The following SAMD4B variants were observed in gnomAD, a reference collection of about 807,000 sequenced individuals.
SAMD4B encodes protein Smaug homolog 2.
A neutral mutation model predicts 74.5 loss-of-function variants in SAMD4B; 5 were observed. The observed-to-expected ratio is 0.07, with a 90% CI of 0.04 to 0.14. The LOEUF is 0.14. Among genes scored for constraint, SAMD4B ranks in the 10% least tolerant of loss-of-function variants. The probability of loss-of-function intolerance (pLI) is 1.00; values close to 1 mark genes in which losing one functional copy is unlikely to be tolerated. For missense variants in SAMD4B, 608 were observed against 921.8 expected (o/e 0.66, Z 4.41); for synonymous variants, 373 against 374.9 (o/e 1.00, Z 0.06).
intron 11 of SAMD4B, 39 bp downstream of exon 11, chr19:39,380,824 T>TG: frequency 6.6e-7 from 1 of 1,511,260 alleles, no homozygotes; most frequent in African/African-American, 1.4e-5. Flanking sequence ...CTCCTGGGGT[T>TG]GGGGTGGCAG....
At chr19:39,389,925 T>C (rs1182074452), downstream of SAMD4B, 3 of 1,098,054 alleles carry the variant, frequency 2.7e-6, no homozygotes, top group Non-Finnish European at 4.1e-6. This position sits in a 1 kb window ranked among gnomAD's most constrained non-coding sequence, Gnocchi z 5.3. Context: ...GGACACTGCT[T>C]GCTCCATTAA....
chr19:39,342,472 G>C lies in SAMD4B; in HGVS notation c.-371G>C, dbSNP rs1170408684. On this transcript the variant is annotated 5_prime_UTR_variant, in exon 1 of 14. Coordinates refer to ENST00000610417, the MANE Select transcript of SAMD4B (RefSeq NM_001384574.2). Reference sequence around the variant, plus strand: ...GGCGGCGGCGGCGGCGGCGGTGGTCGGTGCGGGAGGAGGGAGGGGAGCTTG... The same window carrying C: ...GGCGGCGGCGGCGGCGGCGGTGGTCCGTGCGGGAGGAGGGAGGGGAGCTTG... 5.6e-6 allele frequency: 1 copy of C among 179,920 alleles called. No individual in the cohort carries two copies. Among genetic ancestry groups the C allele is most frequent in the Non-Finnish European group, 1.1e-5 (1 of 89,774 alleles). 11.1% of individuals were successfully genotyped at this position (179,920 alleles called of 1,614,324 possible).
intron 1 of SAMD4B, among the ~76,000 whole-genome samples, chr19:39,348,991 T>A (rs2075862298): frequency 6.6e-6 from 1 of 152,196 alleles, no homozygotes; most frequent in African/African-American, 2.4e-5. Flanking sequence ...TAGGTACTAT[T>A]ATTACACCCA....
chr19:39,359,447 G>T (rs2076522940), intron 3 of SAMD4B, among the ~76,000 whole-genome samples: 1 of 152,310 alleles, frequency 6.6e-6, no homozygotes, highest in South Asian at 2.1e-4. Context: ...CTGCATATAT[G>T]AATGCATATA....
In SAMD4B at chr19:39,383,579, C is replaced by T. The variant is rs758394266; in HGVS notation, c.*52C>T. 1.2e-6 allele frequency: 2 copies of T among 1,614,188 alleles called. No individual in the cohort carries two copies. Among genetic ancestry groups the T allele is most frequent in the East Asian group, 4.5e-5 (2 of 44,888 alleles). On this transcript the variant is annotated 3_prime_UTR_variant, in exon 14 of 14. Transcript: ENST00000610417. The surrounding 1 kb of genome is among the most constrained non-coding windows in gnomAD (Gnocchi z 4.1). ...AGGCTCCCTGGGCGGCGGGCGGGGG[C>T]CAACCCCCAACGGGCTTCTCCGCGA...
intron 9 of SAMD4B, among the ~76,000 whole-genome samples, chr19:39,379,760 G>C (rs895289019): frequency 1.3e-5 from 2 of 152,044 alleles, no homozygotes; most frequent in African/African-American, 4.8e-5. Flanking sequence ...TAGTAGAGGT[G>C]GGGTTTCACC....
At chr19:39,351,710 T>A (rs1167021443) in intron 1 of SAMD4B, 1 of 152,206 alleles carries the variant, frequency 6.6e-6, no homozygotes, top group East Asian at 1.9e-4. Flanking sequence ...TCTGTTAGTT[T>A]CATTCTGAAG....
At chr19:39,360,742 C>T (rs1020711434) in intron 3 of SAMD4B, among the ~76,000 whole-genome samples, 1 of 152,172 alleles carries the variant, frequency 6.6e-6, no homozygotes, top group African/African-American at 2.4e-5. Context: ...TCTTGTTTCT[C>T]CTCTGGTTAT....
At chr19:39,363,541 A>G (rs1235424422) in intron 3 of SAMD4B, among the ~76,000 whole-genome samples, 1 of 152,210 alleles carries the variant, frequency 6.6e-6, no homozygotes, top group Non-Finnish European at 1.5e-5. Flanking sequence ...AGCAACAACA[A>G]TAATAGTTAA....
intron 1 of SAMD4B, among the ~76,000 whole-genome samples, chr19:39,353,564 G>A (rs750116907): frequency 6.6e-6 from 1 of 151,960 alleles, no homozygotes; most frequent in Non-Finnish European, 1.5e-5. Context: ...CCTCCAAGTA[G>A]TTACAGATCA....
downstream of SAMD4B, chr19:39,386,419 G>A: frequency 6.2e-7 from 1 of 1,614,094 alleles, no homozygotes; most frequent in Non-Finnish European, 8.5e-7. The surrounding 1 kb of genome is among the most constrained non-coding windows in gnomAD (Gnocchi z 6.1). Flanking sequence ...AGGGAGTGGA[G>A]AGAGATGAAA....
chr19:39,355,018 G>A (rs1177408094), intron 2 of SAMD4B, among the ~76,000 whole-genome samples: 1 of 152,080 alleles, frequency 6.6e-6, no homozygotes, highest in East Asian at 1.9e-4. Context: ...GATTACAGGC[G>A]TGCAGTAGCA....
intron 3 of SAMD4B, among the ~76,000 whole-genome samples, chr19:39,364,813 T>G (rs1018280981): frequency 3.3e-5 from 5 of 152,178 alleles, no homozygotes; most frequent in Non-Finnish European, 7.3e-5. Context: ...TTCATAATCT[T>G]GGCAGTCGGT....
At chr19:39,388,307 C>T (rs556959282), downstream of SAMD4B, 5 of 1,613,054 alleles carry the variant, frequency 3.1e-6, no homozygotes, top group East Asian at 8.9e-5. Context: ...AAGCACAGAT[C>T]CAGGCTAATC....
In SAMD4B at chr19:39,375,870, G is replaced by C; in HGVS notation, c.888G>C (p.Glu296Asp). 1 of 1,609,002 alleles carries C rather than the reference G, an allele frequency of 6.2e-7. No homozygotes were observed. The change falls in exon 5 of 14, where the codon GAG becomes GAC. Residue 296 changes from glutamate to aspartate, a missense_variant. This residue lies in a region of SAMD4B where 39 missense variants were observed against 125.3 expected (regional missense o/e 0.31). Coordinates refer to ENST00000610417, the MANE Select transcript of SAMD4B (RefSeq NM_001384574.2). The surrounding 1 kb of genome is among the most constrained non-coding windows in gnomAD (Gnocchi z 4.1). ...EQGSSRNTFQ[E>D]DGSGMKDVPS... Reference sequence around the variant, plus strand: ...GCTCCAGCCGGAACACCTTCCAGGAGGATGGCAGTGGCATGAAAGGTACAT... The same window carrying C: ...GCTCCAGCCGGAACACCTTCCAGGACGATGGCAGTGGCATGAAAGGTACAT...
chr19:39,374,558 C>T (rs1192031352), intron 4 of SAMD4B, among the ~76,000 whole-genome samples: 1 of 152,116 alleles, frequency 6.6e-6, no homozygotes, highest in African/African-American at 2.4e-5. Flanking sequence ...AATAAGTAAA[C>T]AGGCTGGGCG....
In SAMD4B at chr19:39,380,637, G is replaced by T; in HGVS notation, c.1700G>T (p.Gly567Val). ...CCCATAGCTGGCTCTGTGGGGATGG[G>T]AGTGGCCCGGCGTACCCAGCGGCAG... ...SLPIAGSVGM[G>V]VARRTQRQFP... The change falls in exon 11 of 14, where the codon GGA becomes GTA. Residue 567 changes from glycine (G) to valine (V), a missense_variant. Gly to Val is a moderately radical substitution (Grantham distance 109, BLOSUM62 -3). This residue lies in a region of SAMD4B where 167 missense variants were observed against 193.0 expected (regional missense o/e 0.87). Transcript: ENST00000610417. 2 of 1,614,152 alleles carry T rather than the reference G, an allele frequency of 1.2e-6. No individual in the cohort carries two copies. Among genetic ancestry groups the T allele is most frequent in the African/African-American group, 2.7e-5 (2 of 75,062 alleles).
In SAMD4B at chr19:39,380,666, C is replaced by A; in HGVS notation, c.1729C>A (p.Pro577Thr). The change falls in exon 11 of 14, where the codon CCA becomes ACA. Residue 577 changes from proline to threonine, a missense_variant. Around this residue, in one of 9 missense-constraint regions of SAMD4B, gnomAD observed 167 missense variants for 193.0 expected, o/e 0.87. Transcript: ENST00000610417. ...GGCCCGGCGTACCCAGCGGCAGTTC[C>A]CAATGCCTCCCCGGGCCCTCCCACC... Reference protein sequence around the residue: ...GVARRTQRQFPMPPRALPPGR... With the variant: ...GVARRTQRQFTMPPRALPPGR... 1 of 1,613,940 alleles carries A rather than the reference C, an allele frequency of 6.2e-7. No homozygotes were observed.
rs980444396 is a variant in SAMD4B at position 39,375,529 on chromosome 19, G to C, written c.668-121G>C. On this transcript the variant is annotated intron_variant, in intron 4 of 13. Coordinates refer to ENST00000610417, the MANE Select transcript of SAMD4B (RefSeq NM_001384574.2). The surrounding 1 kb of genome is among the most constrained non-coding windows in gnomAD (Gnocchi z 4.1). ...GGTAGGCAGTTACCCTTGGACCCCA[G>C]GTCCCTTCCTCTTGGCAGGTTATGG... is the stretch of plus-strand genomic sequence containing the variant. 3.8e-6 allele frequency: 5 copies of C among 1,303,380 alleles called. No individual in the cohort carries two copies. The highest frequency in any genetic ancestry group is 1.5e-5 in the African/African-American group (1 of 67,456). 80.7% of individuals were successfully genotyped at this position (1,303,380 alleles called of 1,614,324 possible).
Sources: allele counts gnomAD v4.1 joint callset (sites outside exome capture counted in the v4.1 genomes callset), GRCh38; gene constraint gnomAD v4.1.1; regional missense constraint gnomAD v4.1.1; non-coding constraint Gnocchi (gnomAD v3.1); transcripts MANE v1.5; gene names NCBI Gene and HGNC (gene_info 2026-07-23, HGNC 2026-07-21).